The following NELL1 variants were observed in gnomAD, a reference collection of about 807,000 sequenced individuals.
The protein encoded by NELL1 is protein kinase C-binding protein NELL1.
In NELL1, 76 loss-of-function variants were observed where a neutral mutation model predicts 107.4. That is an observed-to-expected ratio of 0.71 (90% CI 0.59 to 0.86). The LOEUF (loss-of-function observed/expected upper bound fraction) is 0.86, where lower values mean the gene tolerates loss of function less well. Among genes scored for constraint, NELL1 ranks in the 40% least tolerant of loss-of-function variants. NELL1 has a pLI of 0.00. For synonymous variants in NELL1, 353 were observed against 341.2 expected (o/e 1.03, Z -0.38); for missense variants, 1,024 against 1,005.5 (o/e 1.02, Z -0.25).
chr11:21,182,890 T>G (rs559784959), intron 13 of NELL1, among the ~76,000 whole-genome samples: 26 of 151,896 alleles, frequency 1.7e-4, no homozygotes, highest in African/African-American at 6.3e-4. Flanking sequence ...GAAAGAAAAT[T>G]GTTGCTGTTG....
At chr11:20,836,839 T>G (rs1446829215) in intron 3 of NELL1, among the ~76,000 whole-genome samples, 1 of 152,116 alleles carries the variant, frequency 6.6e-6, no homozygotes, top group Non-Finnish European at 1.5e-5. Flanking sequence ...AGAGGAATTT[T>G]TTAGGCAGTG....
intron 11 of NELL1, among the ~76,000 whole-genome samples, chr11:20,952,350 T>C (rs1851086197): frequency 6.6e-6 from 1 of 152,280 alleles, no homozygotes; most frequent in South Asian, 2.1e-4. Context: ...CGGAAATTAG[T>C]TGAGATTATT....
intron 7 of NELL1, among the ~76,000 whole-genome samples, chr11:20,922,393 TAGTTGGTTC>T (rs1402836547): frequency 6.6e-6 from 1 of 152,110 alleles, no homozygotes; most frequent in East Asian, 1.9e-4. Flanking sequence ...TACAGCAGTT[TAGTTGGTTC>T]AGTTGGTGAA....
Position 21,137,815 on chromosome 11 carries a change from G to C in NELL1, c.1426+24101G>C, listed in dbSNP as rs184539376. Reference sequence around the variant, plus strand: ...TTAAAAGGTCCAAGCCGGAAGAGGGGGTCTATTGTTAAAGTTAAATATACT... The same window carrying C: ...TTAAAAGGTCCAAGCCGGAAGAGGGCGTCTATTGTTAAAGTTAAATATACT... On this transcript the variant is annotated intron_variant, in intron 13 of 19. Transcript: ENST00000357134. 1.1e-4 allele frequency among the ~76,000 whole-genome samples: 16 copies of C among 152,204 alleles called. No homozygotes were observed. The East Asian group carries it at 2.5e-3, about 24-fold the overall frequency.
intron 5 of NELL1, among the ~76,000 whole-genome samples, chr11:20,904,457 C>T (rs1328970314): frequency 3.3e-5 from 5 of 152,032 alleles, no homozygotes; most frequent in Non-Finnish European, 7.4e-5. Flanking sequence ...TAACAAACAC[C>T]ATGTGTCTGC....
At chr11:21,427,704 C>CCA (rs1852860466) in intron 15 of NELL1, among the ~76,000 whole-genome samples, 1 of 152,064 alleles carries the variant, frequency 6.6e-6, no homozygotes, top group Non-Finnish European at 1.5e-5. Flanking sequence ...ACCCCATTCT[C>CCA]CACACACACA....
Position 21,086,912 on chromosome 11 carries a change from A to G in NELL1, c.1301-26677A>G, listed in dbSNP as rs142441611. 9.4e-3 allele frequency among the ~76,000 whole-genome samples: 1,388 copies of G among 148,122 alleles called. 19 individuals carry two copies. Among genetic ancestry groups the G allele is most frequent in the African/African-American group, 0.032 (1,265 of 39,814 alleles). ...AGTGGAACGATCTCGGCTCACTGCA[A>G]CCTCCCCCTCCCCAGTTCAAGGTTC... is the stretch of plus-strand genomic sequence containing the variant. On this transcript the variant is annotated intron_variant, in intron 12 of 19. Transcript: ENST00000357134.
At chr11:20,705,106 G>T (rs910717705) in intron 2 of NELL1, among the ~76,000 whole-genome samples, 1 of 152,108 alleles carries the variant, frequency 6.6e-6, no homozygotes, top group Non-Finnish European at 1.5e-5. Context: ...TTTACAGATT[G>T]AATGACATCC....
At chr11:21,493,434 A>G (rs1381417800) in intron 15 of NELL1, among the ~76,000 whole-genome samples, 1 of 152,098 alleles carries the variant, frequency 6.6e-6, no homozygotes, top group Non-Finnish European at 1.5e-5. Context: ...GTAATTTGAA[A>G]CAACATGGAT....
At chr11:20,781,468 G>T (rs536663561) in intron 2 of NELL1, among the ~76,000 whole-genome samples, 24 of 152,230 alleles carry the variant, frequency 1.6e-4, no homozygotes, top group African/African-American at 5.8e-4. Flanking sequence ...ATCACTCAGG[G>T]AGAACTGAGT....
At chr11:21,221,295 G>T (rs190651175) in intron 13 of NELL1, among the ~76,000 whole-genome samples, 1 of 152,106 alleles carries the variant, frequency 6.6e-6, no homozygotes, top group Non-Finnish European at 1.5e-5. Context: ...GTATTTGGTC[G>T]AGGATTTTTG....
chr11:21,374,067 A>G (rs1279424559), intron 15 of NELL1, among the ~76,000 whole-genome samples: 3 of 152,088 alleles, frequency 2.0e-5, no homozygotes, highest in Admixed American at 6.6e-5. Context: ...TCACATGTAA[A>G]ATCAAAGAGC....
chr11:21,176,798 G>T (rs536919297), intron 13 of NELL1, among the ~76,000 whole-genome samples: 2 of 151,490 alleles, frequency 1.3e-5, no homozygotes, highest in African/African-American at 2.4e-5. Flanking sequence ...TGATAATATG[G>T]GTTCTTGATG....
At chr11:20,822,357 C>T (rs1590326685) in intron 3 of NELL1, among the ~76,000 whole-genome samples, 2 of 152,310 alleles carry the variant, frequency 1.3e-5, no homozygotes, top group East Asian at 3.9e-4. Flanking sequence ...AAGCCATTAG[C>T]AATCAGATGA....
At chr11:21,062,133 G>A (rs190360581) in intron 12 of NELL1, among the ~76,000 whole-genome samples, 201 of 152,276 alleles carry the variant, frequency 1.3e-3, no homozygotes, top group African/African-American at 4.4e-3. Context: ...GTGGTTAGTC[G>A]AATTTGAGAT....
At chr11:21,371,841 T>C (rs1212768340) in intron 15 of NELL1, among the ~76,000 whole-genome samples, 1 of 152,084 alleles carries the variant, frequency 6.6e-6, no homozygotes, top group East Asian at 1.9e-4. Flanking sequence ...GTGCCAGAGA[T>C]ATAAGCAAAG....
At position 20,695,001 on chromosome 11, in the gene NELL1, C is replaced by T. The variant is rs932434841; in HGVS notation, c.184+16941C>T. 2.0e-5 allele frequency among the ~76,000 whole-genome samples: 3 copies of T among 152,014 alleles called. No individual in the cohort carries two copies. In the East Asian group the frequency reaches 5.8e-4, roughly 29 times the overall value. On this transcript the variant is annotated intron_variant, in intron 2 of 19. Coordinates refer to ENST00000357134, the MANE Select transcript of NELL1 (RefSeq NM_006157.5). ...GTTTTATAGTTCTCCTTGTAGAGAG[C>T]TTTCACCTCCATTGTTAGGTGTGTT...
chr11:20,734,794 G>A (rs1244496220), intron 2 of NELL1, among the ~76,000 whole-genome samples: 1 of 152,136 alleles, frequency 6.6e-6, no homozygotes, highest in Non-Finnish European at 1.5e-5. Context: ...TGATATTTGA[G>A]GCCAAGGTGG....
intron 12 of NELL1, among the ~76,000 whole-genome samples, chr11:21,093,666 G>T (rs1236909912): frequency 1.3e-5 from 2 of 152,182 alleles, no homozygotes; most frequent in East Asian, 3.9e-4. Context: ...AATCATAGCG[G>T]AAGGCAATGA....
Sources: gnomAD v4.1 joint callset for allele counts (sites outside exome capture counted in the v4.1 genomes callset) on GRCh38, gnomAD v4.1.1 for gene constraint, MANE v1.5 for transcripts, NCBI Gene and HGNC (gene_info 2026-07-23, HGNC 2026-07-21) for gene names.